The following MAP3K9 variants were observed in gnomAD, a reference collection of about 807,000 sequenced individuals.
MAP3K9 encodes mixed lineage kinase 1 (tyr and ser/thr specificity).
In MAP3K9, 46 loss-of-function variants were observed where a neutral mutation model predicts 95.8. That is an observed-to-expected ratio of 0.48 (90% confidence interval 0.38 to 0.61). The LOEUF (loss-of-function observed/expected upper bound fraction) is 0.61, where lower values mean the gene tolerates loss of function less well. Among genes scored for constraint, MAP3K9 ranks in the 20% least tolerant of loss-of-function variants. The probability of loss-of-function intolerance (pLI) is 0.00; values close to 1 mark genes in which losing one functional copy is unlikely to be tolerated. For synonymous variants in MAP3K9, 533 were observed against 593.8 expected (o/e 0.90, Z 1.49); for missense variants, 1,296 against 1,474.3 (o/e 0.88, Z 1.98).
At chr14:70,758,788 G>C (rs1449420884) in intron 3 of MAP3K9, among the ~76,000 whole-genome samples, 1 of 151,330 alleles carries the variant, frequency 6.6e-6, no homozygotes, top group African/African-American at 2.4e-5. Context: ...TTTTGAGACG[G>C]AGTTTCACTC....
intron 1 of MAP3K9, among the ~76,000 whole-genome samples, chr14:70,804,446 G>A (rs897030224): frequency 1.3e-5 from 2 of 152,118 alleles, no homozygotes; most frequent in South Asian, 2.1e-4. Context: ...GAGTCTTCCT[G>A]GTCATGGAGG....
In MAP3K9 at chr14:70,740,037, C is replaced by T; in HGVS notation, c.1690+5G>A. The T allele has an allele frequency of 6.2e-7, 1 of 1,614,182 alleles. No homozygotes were observed. Among genetic ancestry groups the T allele is most frequent in the Non-Finnish European group, 8.5e-7 (1 of 1,180,038 alleles). ...GGCCCCAGCTAATTTGGGAAACAGT[C>T]TCACACTGGATGGCTCGAAGGCGAG... On this transcript the variant is annotated splice_donor_5th_base_variant and intron_variant, in intron 7 of 11. Transcript: ENST00000554752.
Position 70,809,308 on chromosome 14 carries a change from G to A in MAP3K9, c.-137C>T. ...CGCAGGTAGGGCCCGGGCTGGCAGG[G>A]CTGGGAGAGCCGGCTCGCCGGCGCT... On this transcript the variant is annotated 5_prime_UTR_variant, in exon 1 of 12. Transcript: ENST00000554752. 1 of 1,113,970 alleles carries A rather than the reference G, an allele frequency of 9.0e-7. No individual in the cohort carries two copies. The highest frequency in any genetic ancestry group is 1.1e-6 in the Non-Finnish European group (1 of 878,892). The allele number at this position is 1,113,970 out of a possible 1,614,324, so 69.0% of individuals were successfully genotyped here. A position where few individuals can be genotyped will look rare whatever the true frequency, so the allele number is the denominator to read the frequency against.
intron 3 of MAP3K9, among the ~76,000 whole-genome samples, chr14:70,756,511 A>AT (rs2054301130): frequency 6.6e-6 from 1 of 152,118 alleles, no homozygotes; most frequent in Non-Finnish European, 1.5e-5. Context: ...TAGAACGTAC[A>AT]TTTTTCTGCC....
At chr14:70,803,638 C>A (rs2054958357) in intron 1 of MAP3K9, among the ~76,000 whole-genome samples, 1 of 152,156 alleles carries the variant, frequency 6.6e-6, no homozygotes, top group African/African-American at 2.4e-5. Flanking sequence ...ATGCAACTGG[C>A]AGTCTGCACA....
rs978680352 is a variant in MAP3K9 at position 70,745,319 on chromosome 14, G to A, written c.1327-2728C>T. Among the ~76,000 whole-genome samples the A allele has an allele frequency of 9.9e-5, 15 of 152,210 alleles. No homozygotes were observed. In the East Asian group the frequency reaches 2.7e-3, roughly 27 times the overall value. On this transcript the variant is annotated intron_variant, in intron 5 of 11. Coordinates refer to ENST00000554752, the MANE Select transcript of MAP3K9 (RefSeq NM_001284230.2). ...AAGCATGTGAACCCATATTGGGGAA[G>A]CTGAGCAGCAGGTAAAAGTGGAAGA...
chr14:70,798,747 G>A lies in MAP3K9; in HGVS notation c.820+1920C>T, dbSNP rs554343665. Among the ~76,000 whole-genome samples, 587 of 152,004 alleles carry A rather than the reference G, an allele frequency of 3.9e-3. 8 individuals are homozygous for A. Among genetic ancestry groups the A allele is most frequent in the Non-Finnish European group, 3.8e-3 (260 of 67,968 alleles). On this transcript the variant is annotated intron_variant, in intron 2 of 11. Coordinates refer to ENST00000554752, the MANE Select transcript of MAP3K9 (RefSeq NM_001284230.2). ...CCCGCCTCGGCCTCCCAAAGTGCTG[G>A]GATTACAGGCGTGAGCCACCGCGCC...
intron 2 of MAP3K9, among the ~76,000 whole-genome samples, chr14:70,800,310 C>G (rs1326043956): frequency 1.3e-5 from 2 of 152,106 alleles, no homozygotes; most frequent in Non-Finnish European, 2.9e-5. Flanking sequence ...ACCTCTTGTT[C>G]CACAAAGAGG....
At chr14:70,775,459 C>T (rs933217674) in intron 2 of MAP3K9, among the ~76,000 whole-genome samples, 2 of 152,172 alleles carry the variant, frequency 1.3e-5, no homozygotes, top group African/African-American at 4.8e-5. Context: ...AGATACATCT[C>T]TACAATACCA....
At chr14:70,805,921 T>C (rs2054984928) in intron 1 of MAP3K9, among the ~76,000 whole-genome samples, 1 of 152,206 alleles carries the variant, frequency 6.6e-6, no homozygotes, top group Admixed American at 6.5e-5. Context: ...AGTGAAAACC[T>C]GTCTCTAAAA....
rs768960008 is a variant in MAP3K9 at position 70,740,186 on chromosome 14, C to T, written c.1568-22G>A. The T allele has an allele frequency of 3.1e-6, 5 of 1,605,044 alleles. No individual in the cohort carries two copies. The South Asian group carries it at 3.3e-5, about 11-fold the overall frequency. ...AAATCTGCTTGGGGAAAGACAAACA[C>T]GTGTATGCATTAACATTTCCCATAA... On this transcript the variant is annotated intron_variant, in intron 6 of 11. Transcript: ENST00000554752.
At chr14:70,753,323 T>G (rs2054254896) in intron 3 of MAP3K9, among the ~76,000 whole-genome samples, 1 of 152,190 alleles carries the variant, frequency 6.6e-6, no homozygotes, top group East Asian at 1.9e-4. Context: ...GGTGAGAGCT[T>G]TGCTGAGGGA....
chr14:70,761,165 C>G lies in MAP3K9; in HGVS notation c.838G>C (p.Val280Leu). 1 of 1,613,666 alleles carries G rather than the reference C, an allele frequency of 6.2e-7. No individual in the cohort carries two copies. The highest frequency in any genetic ancestry group is 8.5e-7 in the Non-Finnish European group (1 of 1,179,760). Residue 280 changes from valine to leucine, a missense_variant, in exon 3 of 12, where the codon GTG becomes CTG. Physicochemically the swap from Val to Leu is conservative, Grantham distance 32 (BLOSUM62 1). This residue lies in a region of MAP3K9 where 136 missense variants were observed against 221.5 expected (regional missense o/e 0.61). Transcript: ENST00000554752. ...TTGTTGCTCAGGTCTCCATTCTCCA[C>G]CTTCTGGAGGATCAATACTAGGCAA... ...KSSNILILQK[V>L]ENGDLSNKIL...
In MAP3K9 at chr14:70,730,228, C is replaced by A. The variant is rs2053875093; in HGVS notation, c.*152G>T. 1 of 1,170,174 alleles carries A rather than the reference C, an allele frequency of 8.5e-7. No homozygotes were observed. The highest frequency in any genetic ancestry group is 2.6e-5 in the Admixed American group (1 of 38,936). The allele number at this position is 1,170,174 out of a possible 1,614,324, so 72.5% of individuals were successfully genotyped here. The stretch of plus-strand genomic sequence containing the variant: ...CAGGGCAGGAGACCCTCTGAAGTGG[C>A]CCTGTTTCCATCCCTTCCATCTTCA... On this transcript the variant is annotated 3_prime_UTR_variant, in exon 12 of 12. Coordinates refer to ENST00000554752, the MANE Select transcript of MAP3K9 (RefSeq NM_001284230.2).
intron 2 of MAP3K9, among the ~76,000 whole-genome samples, chr14:70,789,392 C>T (rs772577942): frequency 5.3e-5 from 8 of 152,140 alleles, no homozygotes; most frequent in Non-Finnish European, 8.8e-5. Context: ...ATCCTGTGTG[C>T]AACTAAAATA....
rs1290963262 is a variant in MAP3K9, at chr14:70,725,162, C to T, written c.*5218G>A. On this transcript the variant is annotated 3_prime_UTR_variant, in exon 12 of 12. Transcript: ENST00000554752. ...AGCTCAAGGCCCAAAGCAGGCTCCCCGTAGGGGATGGGGAACCACAGACAG... is the reference window on the plus strand; with the variant it reads ...AGCTCAAGGCCCAAAGCAGGCTCCCTGTAGGGGATGGGGAACCACAGACAG... 2 of 152,314 alleles carry T rather than the reference C, an allele frequency of 1.3e-5. No individual in the cohort carries two copies. Among genetic ancestry groups the T allele is most frequent in the Admixed American group, 6.5e-5 (1 of 15,292 alleles). The allele number at this position is 152,314 out of a possible 1,614,324, so 9.4% of individuals were successfully genotyped here.
chr14:70,808,309 A>G (rs552608167), intron 1 of MAP3K9, among the ~76,000 whole-genome samples: 3 of 152,244 alleles, frequency 2.0e-5, no homozygotes, highest in Non-Finnish European at 2.9e-5. Flanking sequence ...TCTCTTTGAA[A>G]GCAAATGCCT....
intron 10 of MAP3K9, chr14:70,733,649 T>TGA: frequency 1.4e-6 from 1 of 705,808 alleles, no homozygotes; most frequent in East Asian, 2.7e-5. Flanking sequence ...TTGACTGGAC[T>TGA]GAGGGATGCC....
chr14:70,808,321 T>TA (rs1410713440), intron 1 of MAP3K9, among the ~76,000 whole-genome samples: 7 of 150,982 alleles, frequency 4.6e-5, no homozygotes, highest in African/African-American at 1.7e-4. Context: ...CAAATGCCTT[T>TA]AGGAGGCGGG....
Sources: gnomAD v4.1 joint callset for allele counts (sites outside exome capture counted in the v4.1 genomes callset) on GRCh38, gnomAD v4.1.1 for gene constraint, gnomAD v4.1.1 regional missense constraint, MANE v1.5 for transcripts, NCBI Gene and HGNC (gene_info 2026-07-23, HGNC 2026-07-21) for gene names.